The following CHN1 variants were observed in gnomAD, a reference collection of about 807,000 sequenced individuals.
CHN1 encodes the protein N-chimaerin.
CHN1 carries 37 observed loss-of-function variants against 59.5 expected under a neutral mutation model. That is an observed-to-expected ratio of 0.62 (90% confidence interval 0.48 to 0.82). The LOEUF is 0.82. CHN1 is among the 40% of genes least tolerant of loss of function. The pLI, the probability that CHN1 is intolerant of heterozygous loss-of-function variation, is 0.00. For missense variants in CHN1, 469 were observed against 571.0 expected, an observed-to-expected ratio of 0.82 and a Z score of 1.82; for synonymous variants, 206 against 200.4, an observed-to-expected ratio of 1.03 and a Z score of -0.24.
chr2:174,852,230 A>G (rs979372415), intron 6 of CHN1, among the ~76,000 whole-genome samples: 1 of 152,148 alleles, frequency 6.6e-6, no homozygotes, highest in Non-Finnish European at 1.5e-5. Flanking sequence ...CAGTGGTTGC[A>G]GTGAGCCGAG....
At chr2:174,897,469 AT>A (rs1688251812) in intron 5 of CHN1, among the ~76,000 whole-genome samples, 1 of 151,368 alleles carries the variant, frequency 6.6e-6, no homozygotes, top group African/African-American at 2.4e-5. Flanking sequence ...AAACATATAT[AT>A]TTTCAGATAG....
At chr2:174,804,322 A>G (rs903158280) in intron 11 of CHN1, among the ~76,000 whole-genome samples, 1 of 152,074 alleles carries the variant, frequency 6.6e-6, no homozygotes, top group Non-Finnish European at 1.5e-5. Flanking sequence ...AGAGGGGGAT[A>G]TTAGCAGGTG....
At chr2:174,952,259 T>C in intron 1 of CHN1, 57 bp from the exon 2 acceptor site, 1 of 1,024,476 alleles carries the variant, frequency 9.8e-7, no homozygotes, top group Non-Finnish European at 1.4e-6. Flanking sequence ...AAATGAGACA[T>C]TTTAATCATT....
intron 1 of CHN1, among the ~76,000 whole-genome samples, chr2:174,999,965 A>G (rs369941183): frequency 1.1e-4 from 16 of 152,326 alleles, no homozygotes; most frequent in African/African-American, 3.8e-4. Context: ...ATGTGACTCA[A>G]AAGACTGCAG....
chr2:174,983,449 A>T (rs905619708), intron 1 of CHN1, among the ~76,000 whole-genome samples: 1 of 152,178 alleles, frequency 6.6e-6, no homozygotes, highest in African/African-American at 2.4e-5. Context: ...GGTCCCACAT[A>T]CATGAAAACA....
At chr2:174,817,628 A>AT (rs899427269) in intron 8 of CHN1, among the ~76,000 whole-genome samples, 4 of 139,022 alleles carry the variant, frequency 2.9e-5, no homozygotes, top group East Asian at 4.2e-4. Context: ...CGCCCAGCTG[A>AT]TTTTTTTTTC....
intron 1 of CHN1, among the ~76,000 whole-genome samples, chr2:174,996,949 CT>C (rs963185790): frequency 7.9e-5 from 12 of 152,190 alleles, no homozygotes; most frequent in African/African-American, 2.9e-4. Context: ...GGCCTACCCC[CT>C]CTCCCCCGAC....
chr2:174,962,096 C>T (rs1338883168), intron 1 of CHN1, among the ~76,000 whole-genome samples: 2 of 152,030 alleles, frequency 1.3e-5, no homozygotes. Context: ...ACCAGCCTGA[C>T]CAACATGGTG....
chr2:174,969,875 A>C (rs1050457060), intron 1 of CHN1, among the ~76,000 whole-genome samples: 6 of 152,174 alleles, frequency 3.9e-5, no homozygotes, highest in African/African-American at 1.4e-4. Flanking sequence ...GTGGTCTGTA[A>C]ACACTTGTGG....
At chr2:174,868,777 G>A (rs1318820985) in intron 6 of CHN1, among the ~76,000 whole-genome samples, 3 of 152,128 alleles carry the variant, frequency 2.0e-5, no homozygotes. Flanking sequence ...CAGTTGAGTG[G>A]GCTGCACCTA....
intron 8 of CHN1, among the ~76,000 whole-genome samples, chr2:174,819,534 G>A (rs562329442): frequency 3.9e-5 from 6 of 152,074 alleles, no homozygotes; most frequent in Non-Finnish European, 8.8e-5. Flanking sequence ...TTTTAAAGAC[G>A]AATGTTTGAC....
At chr2:174,900,756 G>A (rs1688363388) in intron 5 of CHN1, among the ~76,000 whole-genome samples, 1 of 151,620 alleles carries the variant, frequency 6.6e-6, no homozygotes, top group Admixed American at 6.6e-5. Flanking sequence ...AGTGAGCTGA[G>A]ATTGCGCCAT....
At position 175,005,350 on chromosome 2, in the gene CHN1, C is replaced by A; in HGVS notation, c.-438G>T. 8.7e-7 allele frequency: 1 copy of A among 1,145,412 alleles called. No individual in the cohort carries two copies. The highest frequency in any genetic ancestry group is 1.1e-6 in the Non-Finnish European group (1 of 915,452). 71.0% of individuals were successfully genotyped at this position (1,145,412 alleles called of 1,614,324 possible). A position where few individuals can be genotyped will look rare whatever the true frequency, so the allele number is the denominator to read the frequency against. ...GCGCTCACTCCGCATCCCGCGGCCT[C>A]GCAGACGCCATCTTGCGATAGCGTC... On this transcript the variant is annotated 5_prime_UTR_variant, in exon 1 of 13. Transcript: ENST00000409900.
chr2:174,882,678 C>G (rs1687772684), intron 5 of CHN1, among the ~76,000 whole-genome samples: 1 of 152,118 alleles, frequency 6.6e-6, no homozygotes, highest in Non-Finnish European at 1.5e-5. Context: ...AGAAGTATTT[C>G]CAGCAACCAA....
intron 5 of CHN1, among the ~76,000 whole-genome samples, chr2:174,905,873 TAAATGAAATA>T (rs1688529402): frequency 6.6e-6 from 1 of 152,168 alleles, no homozygotes; most frequent in South Asian, 2.1e-4. Context: ...AAAATGTTTT[TAAATGAAATA>T]CCATTCAAGA....
intron 5 of CHN1, among the ~76,000 whole-genome samples, chr2:174,904,496 C>A (rs1688485265): frequency 6.6e-6 from 1 of 151,902 alleles, no homozygotes; most frequent in Non-Finnish European, 1.5e-5. Context: ...TCAAGTGATT[C>A]TCCTGCCTCA....
At chr2:174,885,925 T>C (rs1207147021) in intron 5 of CHN1, among the ~76,000 whole-genome samples, 1 of 152,250 alleles carries the variant, frequency 6.6e-6, no homozygotes, top group Non-Finnish European at 1.5e-5. Flanking sequence ...TGCATTCCAA[T>C]CATTTAAAAA....
rs547068631 is a variant in CHN1 at position 174,824,531 on chromosome 2, AAG to A, written c.628-15_628-14del. 8.4e-4 allele frequency: 1,313 copies of A among 1,565,596 alleles called. 7 individuals are homozygous for A. In the African/African-American group the frequency reaches 0.015, roughly 18 times the overall value. Reference sequence around the variant, plus strand: ...TGAATGTATGCACCTGAAAAAAAAAAAGAGGGGCAAAGTCAGGAAAGGGGAAA... The same window carrying A: ...TGAATGTATGCACCTGAAAAAAAAAAAGGGGCAAAGTCAGGAAAGGGGAAA... On this transcript the variant is annotated splice_polypyrimidine_tract_variant and intron_variant, in intron 7 of 12. Transcript: ENST00000409900.
chr2:174,915,066 C>T lies in CHN1; in HGVS notation c.252G>A (p.Leu84=), dbSNP rs759217119. The T allele has an allele frequency of 5.0e-6, 8 of 1,608,798 alleles. No individual in the cohort carries two copies. Among genetic ancestry groups the T allele is most frequent in the East Asian group, 2.2e-5 (1 of 44,828 alleles). The change falls in exon 5 of 13, where the codon TTG becomes TTA. Residue 84 remains leucine (L), a synonymous_variant. Coordinates refer to ENST00000409900, the MANE Select transcript of CHN1 (RefSeq NM_001822.7). ...ESQRQPGTYT[L]ALRFGSQTRN... Reference sequence around the variant, plus strand: ...GCAGGCCCATGACCAACCTTAAAGCCAAAGTGTAGGTCCCTGGCTGCCGCT... The same window carrying T: ...GCAGGCCCATGACCAACCTTAAAGCTAAAGTGTAGGTCCCTGGCTGCCGCT...
Sources: allele counts gnomAD v4.1 joint callset (sites outside exome capture counted in the v4.1 genomes callset), GRCh38; gene constraint gnomAD v4.1.1; transcripts MANE v1.5; gene names NCBI Gene and HGNC (gene_info 2026-07-23, HGNC 2026-07-21).